The following ST3GAL1 variants were observed in gnomAD, a reference collection of about 807,000 sequenced individuals.
ST3GAL1 encodes CMP-N-acetylneuraminate-beta-galactosamide-alpha-2,3-sialyltransferase 1.
A neutral mutation model predicts 34.1 loss-of-function variants in ST3GAL1; 16 were observed. The ratio of observed to expected loss-of-function variants is 0.47; its 90% CI spans 0.32 to 0.71. ST3GAL1 has a LOEUF of 0.71. Among genes scored for constraint, ST3GAL1 ranks in the 30% least tolerant of loss-of-function variants. The pLI is 0.04. For synonymous variants in ST3GAL1, 191 were observed against 184.7 expected, an observed-to-expected ratio of 1.03 and a Z score of -0.28; for missense variants, 353 against 447.4, an observed-to-expected ratio of 0.79 and a Z score of 1.90.
chr8:133,467,610 G>A lies in ST3GAL1; in HGVS notation c.307-1520C>T, dbSNP rs1226530755. 1.3e-5 allele frequency among the ~76,000 whole-genome samples: 2 copies of A among 152,184 alleles called. No individual in the cohort carries two copies. Among genetic ancestry groups the A allele is most frequent in the Admixed American group, 1.3e-4 (2 of 15,284 alleles). ...GGAATCTTGGCCTTTGGAAAGCCCA[G>A]ACCCTGGATTTTGGGGTAGGGGTGA... is the stretch of plus-strand genomic sequence containing the variant. On this transcript the variant is annotated intron_variant, in intron 5 of 9. Coordinates refer to ENST00000522652, the MANE Select transcript of ST3GAL1 (RefSeq NM_173344.3). The surrounding 1 kb of genome is among the most constrained non-coding windows in gnomAD (Gnocchi z 4.2).
intron 3 of ST3GAL1, among the ~76,000 whole-genome samples, chr8:133,484,028 C>A (rs753728483): frequency 7.2e-5 from 11 of 152,230 alleles, no homozygotes; most frequent in Non-Finnish European, 1.5e-4. Flanking sequence ...CAACCTCCGA[C>A]TGCCAGTCTT....
intron 2 of ST3GAL1, among the ~76,000 whole-genome samples, chr8:133,514,673 T>C (rs1817592461): frequency 6.6e-6 from 1 of 152,132 alleles, no homozygotes; most frequent in Non-Finnish European, 1.5e-5. Flanking sequence ...TGAGATTCCA[T>C]CCTGGGCCTT....
At chr8:133,485,064 G>A (rs1249070493) in intron 3 of ST3GAL1, among the ~76,000 whole-genome samples, 3 of 152,198 alleles carry the variant, frequency 2.0e-5, no homozygotes, top group Non-Finnish European at 2.9e-5. Context: ...GCCTGCATTC[G>A]AGGGTTCTCA....
intron 2 of ST3GAL1, among the ~76,000 whole-genome samples, chr8:133,514,325 T>A (rs1311231479): frequency 6.6e-6 from 1 of 152,170 alleles, no homozygotes; most frequent in Non-Finnish European, 1.5e-5. Flanking sequence ...TGGGTACTAT[T>A]CATTTTGGCT....
rs369054739 is a variant in ST3GAL1 at position 133,535,478 on chromosome 8, G to GTATGTGC, written c.-429+10289_-429+10295dup. Reference sequence around the variant, plus strand: ...GTCTATTGGTGCCATTTTTCCAACAGTATGTGCTCATTCCATTGGCATTTT... The same window carrying GTATGTGC: ...GTCTATTGGTGCCATTTTTCCAACAGTATGTGCTATGTGCTCATTCCATTGGCATTTT... On this transcript the variant is annotated intron_variant, in intron 2 of 9. Coordinates refer to ENST00000522652, the MANE Select transcript of ST3GAL1 (RefSeq NM_173344.3). Among the ~76,000 whole-genome samples, 355 of 151,670 alleles carry GTATGTGC rather than the reference G, an allele frequency of 2.3e-3. 1 individual carries two copies. The highest frequency in any genetic ancestry group is 8.3e-3 in the African/African-American group (340 of 41,046).
chr8:133,569,214 A>C (rs1819491782), intron 1 of ST3GAL1, among the ~76,000 whole-genome samples: 1 of 152,182 alleles, frequency 6.6e-6, no homozygotes, highest in African/African-American at 2.4e-5. Flanking sequence ...CTAAACAGCA[A>C]ATGCCGGCCC....
At chr8:133,503,782 C>G (rs187997912) in intron 2 of ST3GAL1, among the ~76,000 whole-genome samples, 2 of 151,964 alleles carry the variant, frequency 1.3e-5, no homozygotes, top group Non-Finnish European at 2.9e-5. Flanking sequence ...AATAACTGAA[C>G]GAGAGTGGAG....
At chr8:133,534,427 C>G (rs768386343) in intron 2 of ST3GAL1, among the ~76,000 whole-genome samples, 10 of 152,050 alleles carry the variant, frequency 6.6e-5, no homozygotes, top group Admixed American at 6.5e-4. Flanking sequence ...TTCAGACACA[C>G]TGGCTTTGGG....
At chr8:133,532,707 C>T (rs190846312) in intron 2 of ST3GAL1, among the ~76,000 whole-genome samples, 126 of 152,202 alleles carry the variant, frequency 8.3e-4, no homozygotes, top group African/African-American at 2.9e-3. Flanking sequence ...TCCTCAGTAC[C>T]GAATGTCCAG....
intron 2 of ST3GAL1, among the ~76,000 whole-genome samples, chr8:133,512,587 G>A (rs551405266): frequency 8.0e-4 from 121 of 152,174 alleles, no homozygotes; most frequent in African/African-American, 2.3e-3. Context: ...CCATCATCTC[G>A]GAGGCCATTG....
intron 3 of ST3GAL1, among the ~76,000 whole-genome samples, chr8:133,497,057 C>A (rs368917741): frequency 1.3e-5 from 2 of 152,178 alleles, no homozygotes; most frequent in African/African-American, 4.8e-5. Context: ...GACCTGAGCC[C>A]GCACACAGGG....
intron 1 of ST3GAL1, among the ~76,000 whole-genome samples, chr8:133,546,887 T>C (rs1231504550): frequency 6.6e-6 from 1 of 151,906 alleles, no homozygotes; most frequent in East Asian, 1.9e-4. Flanking sequence ...ATGCCTATAG[T>C]CCCAGAGACT....
chr8:133,508,840 A>C lies in ST3GAL1; in HGVS notation c.-428-9651T>G, dbSNP rs1817423767. On this transcript the variant is annotated intron_variant, in intron 2 of 9. Coordinates refer to ENST00000522652, the MANE Select transcript of ST3GAL1 (RefSeq NM_173344.3). The surrounding 1 kb of genome is among the most constrained non-coding windows in gnomAD (Gnocchi z 4.1). Reference sequence around the variant, plus strand: ...TACAAAACAGTGCAGATAATGGTAAATGCTTTTGCACAAAACCCCATAAGA... The same window carrying C: ...TACAAAACAGTGCAGATAATGGTAACTGCTTTTGCACAAAACCCCATAAGA... Among the ~76,000 whole-genome samples, 1 of 152,150 alleles carries C rather than the reference A, an allele frequency of 6.6e-6. No homozygotes were observed. Among genetic ancestry groups the C allele is most frequent in the Admixed American group, 6.5e-5 (1 of 15,278 alleles).
At chr8:133,470,874 C>T (rs1586591180) in intron 5 of ST3GAL1, among the ~76,000 whole-genome samples, 1 of 152,168 alleles carries the variant, frequency 6.6e-6, no homozygotes, top group African/African-American at 2.4e-5. Flanking sequence ...TGCACTCGGG[C>T]ATGATCCACA....
intron 3 of ST3GAL1, among the ~76,000 whole-genome samples, chr8:133,493,824 C>T (rs190821746): frequency 5.0e-4 from 71 of 143,416 alleles, no homozygotes; most frequent in African/African-American, 1.7e-3. Flanking sequence ...CCAGCCTGGG[C>T]GACAGAGCAA....
intron 3 of ST3GAL1, among the ~76,000 whole-genome samples, chr8:133,477,264 G>A (rs1294457664): frequency 3.3e-5 from 5 of 152,122 alleles, no homozygotes; most frequent in Non-Finnish European, 7.4e-5. Context: ...TATCTATTAG[G>A]CCATTGCTGA....
chr8:133,497,771 C>T (rs1358526673), intron 3 of ST3GAL1, among the ~76,000 whole-genome samples: 4 of 152,172 alleles, frequency 2.6e-5, no homozygotes, highest in Admixed American at 1.3e-4. Context: ...CCATGCCCAG[C>T]GGATTTTTCT....
chr8:133,495,538 T>C (rs1816919381), intron 3 of ST3GAL1, among the ~76,000 whole-genome samples: 1 of 152,238 alleles, frequency 6.6e-6, no homozygotes. Flanking sequence ...TTGGAGACAC[T>C]TCTCCATGAG....
chr8:133,460,274 G>C (rs1815447487), intron 9 of ST3GAL1, among the ~76,000 whole-genome samples: 1 of 152,176 alleles, frequency 6.6e-6, no homozygotes, highest in Non-Finnish European at 1.5e-5. Flanking sequence ...GAATAGGAAG[G>C]AGGGCGTGGA....
Sources: allele counts gnomAD v4.1 joint callset (sites outside exome capture counted in the v4.1 genomes callset), GRCh38; gene constraint gnomAD v4.1.1; non-coding constraint Gnocchi (gnomAD v3.1); transcripts MANE v1.5; gene names NCBI Gene and HGNC (gene_info 2026-07-23, HGNC 2026-07-21).